Variants in APLP2 observed in about 807,000 individuals in gnomAD.
APLP2 encodes the protein amyloid beta precursor like protein 2.
A neutral mutation model predicts 89.9 loss-of-function variants in APLP2; 53 were observed. The ratio of observed to expected loss-of-function variants is 0.59; its 90% CI spans 0.47 to 0.74. The LOEUF (loss-of-function observed/expected upper bound fraction) is 0.74. APLP2 is among the 30% of genes least tolerant of loss of function. The pLI, the probability that APLP2 is intolerant of heterozygous loss-of-function variation, is 0.00. For missense variants in APLP2, 973 were observed against 975.9 expected (o/e 1.00, Z 0.04); for synonymous variants, 372 against 348.6 (o/e 1.07, Z -0.75).
intron 10 of APLP2, among the ~76,000 whole-genome samples, chr11:130,129,741 T>C (rs1449776111): frequency 6.6e-6 from 1 of 152,132 alleles, no homozygotes; most frequent in African/African-American, 2.4e-5. Flanking sequence ...ATCTAGCTTA[T>C]AGGTGTCAGA....
At chr11:130,078,687 A>G (rs753028605) in intron 1 of APLP2, among the ~76,000 whole-genome samples, 1 of 151,650 alleles carries the variant, frequency 6.6e-6, no homozygotes, top group Non-Finnish European at 1.5e-5. Context: ...TTCCTTATGG[A>G]TATCTGGCCT....
intron 3 of APLP2, among the ~76,000 whole-genome samples, chr11:130,114,922 G>A (rs1038884316): frequency 6.6e-5 from 10 of 152,084 alleles, no homozygotes; most frequent in Admixed American, 2.0e-4. Context: ...TCCATTGCAG[G>A]TGTCCTTTTG....
chr11:130,070,206 C>T, intron 1 of APLP2, 124 bp downstream of exon 1: 1 of 486,878 alleles, frequency 2.1e-6, no homozygotes, highest in Non-Finnish European at 3.0e-6. Context: ...TCCGGCTCTG[C>T]GGCGGGTCTG....
intron 1 of APLP2, among the ~76,000 whole-genome samples, chr11:130,085,641 G>T (rs1289797362): frequency 2.6e-5 from 4 of 152,104 alleles, no homozygotes; most frequent in Non-Finnish European, 1.5e-5. Context: ...ACAATTCGGT[G>T]GCATTAAGGA....
intron 1 of APLP2, chr11:130,070,834 G>T (rs59010508): frequency 8.5e-7 from 1 of 1,183,146 alleles, no homozygotes; most frequent in South Asian, 2.8e-5. Context: ...CGTCCTCTTC[G>T]GGTGTCAGAA....
At chr11:130,082,344 C>T (rs182828732) in intron 1 of APLP2, among the ~76,000 whole-genome samples, 91 of 151,938 alleles carry the variant, frequency 6.0e-4, no homozygotes, top group Non-Finnish European at 1.2e-3. Flanking sequence ...CCATCACGCC[C>T]AGCTGATTTT....
intron 1 of APLP2, chr11:130,082,897 A>G (rs984039159): frequency 6.5e-6 from 1 of 152,680 alleles, no homozygotes; most frequent in Non-Finnish European, 1.5e-5. Flanking sequence ...TTCCTTCCAG[A>G]TGTTTTACAC....
intron 2 of APLP2, among the ~76,000 whole-genome samples, chr11:130,110,277 G>A (rs1025343713): frequency 5.3e-5 from 8 of 152,228 alleles, no homozygotes; most frequent in Non-Finnish European, 7.3e-5. Flanking sequence ...GGCTAAAAGC[G>A]TGCTGCTTTT....
chr11:130,109,281 G>C, intron 1 of APLP2, 148 bp from the exon 2 acceptor site: 2 of 706,768 alleles, frequency 2.8e-6, no homozygotes, highest in South Asian at 5.3e-5. Flanking sequence ...TTCTGTTCTA[G>C]CTCCTGGGAA....
At position 130,137,686 on chromosome 11, in the gene APLP2, C is replaced by G. The variant is rs575203835; in HGVS notation, c.1837+1971C>G. Among the ~76,000 whole-genome samples the G allele has an allele frequency of 1.6e-4, 24 of 152,288 alleles. No individual in the cohort carries two copies. The East Asian group carries it at 4.4e-3, about 28-fold the overall frequency. ...TTACAGTCAGGTGGAGAGTCGTTCT[C>G]TTTTCCCTCTTTTTCTCTGCAATTC... On this transcript the variant is annotated intron_variant, in intron 13 of 16. Transcript: ENST00000338167.
intron 12 of APLP2, 44 bp downstream of exon 12, chr11:130,133,772 C>A: frequency 6.9e-7 from 1 of 1,453,336 alleles, no homozygotes. Context: ...GGACTTCTTG[C>A]AGAGGCTCAG....
intron 1 of APLP2, among the ~76,000 whole-genome samples, chr11:130,090,677 A>C (rs1041464838): frequency 3.3e-5 from 5 of 152,102 alleles, no homozygotes; most frequent in African/African-American, 1.2e-4. Flanking sequence ...CTACACAGAC[A>C]CGGCAACCAT....
intron 10 of APLP2, 55 bp downstream of exon 10, chr11:130,129,261 T>C: frequency 2.0e-6 from 3 of 1,538,222 alleles, no homozygotes; most frequent in East Asian, 2.3e-5. Flanking sequence ...AGGGGACCAA[T>C]GTATGACACT....
At chr11:130,114,778 C>T (rs543028187) in intron 3 of APLP2, among the ~76,000 whole-genome samples, 4 of 152,252 alleles carry the variant, frequency 2.6e-5, no homozygotes, top group Admixed American at 1.3e-4. Flanking sequence ...GAGATTTGGA[C>T]AGGTAGTGTT....
intron 3 of APLP2, among the ~76,000 whole-genome samples, chr11:130,111,075 G>A (rs1223232760): frequency 6.6e-6 from 1 of 152,108 alleles, no homozygotes; most frequent in Non-Finnish European, 1.5e-5. Flanking sequence ...CTAGTTTTCA[G>A]GAGAAAGAAA....
intron 13 of APLP2, among the ~76,000 whole-genome samples, chr11:130,138,581 GTT>G (rs34805457): frequency 4.2e-3 from 385 of 91,398 alleles, no homozygotes; most frequent in African/African-American, 0.019. Flanking sequence ...CTGGTGGTAG[GTT>G]TTTTTTTTTT....
chr11:130,099,355 A>C (rs1373859850), intron 1 of APLP2, among the ~76,000 whole-genome samples: 2 of 152,244 alleles, frequency 1.3e-5, no homozygotes, highest in African/African-American at 4.8e-5. Context: ...AACTTTGAGT[A>C]GCACCCTATT....
intron 1 of APLP2, among the ~76,000 whole-genome samples, chr11:130,086,548 T>C (rs1441300812): frequency 2.0e-5 from 3 of 152,230 alleles, no homozygotes; most frequent in Admixed American, 1.3e-4. Flanking sequence ...TTTTTTTCTT[T>C]TGTTGCCTGT....
chr11:130,117,808 C>T (rs1483885938), intron 3 of APLP2, among the ~76,000 whole-genome samples: 2 of 152,174 alleles, frequency 1.3e-5, no homozygotes, highest in Admixed American at 1.3e-4. Flanking sequence ...CGCAGTGGCT[C>T]ACGCCTGTAA....
Sources: allele counts gnomAD v4.1 joint callset (sites outside exome capture counted in the v4.1 genomes callset), GRCh38; gene constraint gnomAD v4.1.1; transcripts MANE v1.5; gene names NCBI Gene and HGNC (gene_info 2026-07-23, HGNC 2026-07-21).